GDE1: variants seen among roughly 807,000 people sequenced by gnomAD.
GDE1 encodes glycerophosphodiester phosphodiesterase 1, also known as RGS16-interacting membrane protein.
In GDE1, 24 loss-of-function variants were observed where a neutral mutation model predicts 32.2. The ratio of observed to expected loss-of-function variants is 0.75; its 90% confidence interval spans 0.54 to 1.05. The LOEUF is 1.05. GDE1 is among the 50% of genes least tolerant of loss of function. The pLI, the probability that GDE1 is intolerant of heterozygous loss-of-function variation, is 0.00. For synonymous variants in GDE1, 159 were observed against 158.6 expected (o/e 1.00, Z -0.02); for missense variants, 380 against 415.0 (o/e 0.92, Z 0.73).
intron 3 of GDE1, 27 bp from the exon 4 acceptor site, chr16:19,507,806 TAAA>T: frequency 9.9e-7 from 1 of 1,005,774 alleles, no homozygotes; most frequent in Non-Finnish European, 1.6e-6. Flanking sequence ...TTCATATATT[TAAA>T]ATTGATTAAA....
At chr16:19,519,993 CAGAG>C (rs780987726) in intron 1 of GDE1, among the ~76,000 whole-genome samples, 129 of 148,718 alleles carry the variant, frequency 8.7e-4, no homozygotes, top group Non-Finnish European at 1.6e-3. Flanking sequence ...ACCTGGGTGA[CAGAG>C]AGAGACCCTG....
Position 19,521,952 on chromosome 16 carries a change from C to T in GDE1, c.13G>A (p.Glu5Lys), listed in dbSNP as rs769732063. 1.4e-5 allele frequency: 22 copies of T among 1,550,638 alleles called. 1 individual carries two copies. The South Asian group carries it at 2.6e-4, about 18-fold the overall frequency. Residue 5 changes from glutamate (E) to lysine (K), a missense_variant, in exon 1 of 6, where the codon GAG becomes AAG. Glu to Lys is a moderately conservative substitution (Grantham distance 56, BLOSUM62 1). Transcript: ENST00000353258. MWLWEDQGGLLGPFS... is the reference protein window; with the variant it reads MWLWKDQGGLLGPFS... Reference sequence around the variant, plus strand: ...GGGCCCAGGAGGCCGCCCTGGTCCTCCCACAGCCACATGCCGGCGCCCGCA... The same window carrying T: ...GGGCCCAGGAGGCCGCCCTGGTCCTTCCACAGCCACATGCCGGCGCCCGCA...
chr16:19,521,664 C>G, intron 1 of GDE1, 40 bp downstream of exon 1: 2 of 1,597,696 alleles, frequency 1.3e-6, no homozygotes, highest in Non-Finnish European at 1.7e-6. Context: ...GAAGTCCGAG[C>G]TCTCGGGAGG....
intron 3 of GDE1, 107 bp downstream of exon 3, chr16:19,510,732 A>G (rs2151446786): frequency 2.0e-6 from 1 of 498,580 alleles, no homozygotes; most frequent in Non-Finnish European, 3.6e-6. Context: ...ATTTATAAAA[A>G]TAAGTTTTAA....
Position 19,521,691 on chromosome 16 carries a change from G to C in GDE1, c.261+13C>G, listed in dbSNP as rs778466801. 4 of 1,609,072 alleles carry C rather than the reference G, an allele frequency of 2.5e-6. No individual in the cohort carries two copies. In the Admixed American group the frequency reaches 6.7e-5, roughly 27 times the overall value. ...CTCGGGAGGACCGAGGGGCGCGAAC[G>C]TGGGGGTCTCACCTGCCGAATGGCC... On this transcript the variant is annotated intron_variant, in intron 1 of 5. Transcript: ENST00000353258.
At position 19,503,419 on chromosome 16, in the gene GDE1, T is replaced by C. The variant is rs765383538; in HGVS notation, c.*51A>G. ...AGCACAAAGGGTATTTTGATATCCCTGTATGAGGCCCCTGGCAGTTTCTGA... is the reference window on the plus strand; with the variant it reads ...AGCACAAAGGGTATTTTGATATCCCCGTATGAGGCCCCTGGCAGTTTCTGA... On this transcript the variant is annotated 3_prime_UTR_variant, in exon 6 of 6. Coordinates refer to ENST00000353258, the MANE Select transcript of GDE1 (RefSeq NM_016641.4). The C allele has an allele frequency of 6.9e-5, 108 of 1,557,594 alleles. No individual in the cohort carries two copies. The Admixed American group carries it at 1.8e-3, about 26-fold the overall frequency.
In GDE1 at chr16:19,517,082, A is replaced by G; in HGVS notation, c.369T>C (p.Thr123=). 1 of 1,614,194 alleles carries G rather than the reference A, an allele frequency of 6.2e-7. No individual in the cohort carries two copies. Among genetic ancestry groups the G allele is most frequent in the Non-Finnish European group, 8.5e-7 (1 of 1,179,986 alleles). The change falls in exon 2 of 6, where the codon ACT becomes ACC. Residue 123 remains threonine, a synonymous_variant. Transcript: ENST00000353258. ...CAAATGTCAAATCACACAATCGCCCAGTCCCATCAGTCGTCCTATCTACTG... is the reference window on the plus strand; with the variant it reads ...CAAATGTCAAATCACACAATCGCCCGGTCCCATCAGTCGTCCTATCTACTG... The part of the protein sequence containing the change: ...DNTVDRTTDG[T]GRLCDLTFEQ...
chr16:19,510,456 C>T (rs1969303267), intron 3 of GDE1, among the ~76,000 whole-genome samples: 1 of 151,856 alleles, frequency 6.6e-6, no homozygotes, highest in African/African-American at 2.4e-5. Flanking sequence ...AACTTTTAAG[C>T]TAGATAAAAT....
intron 5 of GDE1, chr16:19,504,674 C>T (rs181604247): frequency 1.2e-4 from 61 of 507,486 alleles, no homozygotes; most frequent in South Asian, 2.5e-4. Flanking sequence ...ACTAAAAAAC[C>T]GAAAATATGT....
intron 5 of GDE1, chr16:19,504,297 C>T (rs1015811919): frequency 2.6e-5 from 4 of 153,298 alleles, no homozygotes; most frequent in African/African-American, 9.6e-5. Flanking sequence ...TCTTTACCCA[C>T]TGCATCTTCA....
intron 1 of GDE1, among the ~76,000 whole-genome samples, chr16:19,519,872 A>T (rs1398203591): frequency 6.6e-6 from 1 of 152,076 alleles, no homozygotes; most frequent in African/African-American, 2.4e-5. Context: ...ATTAGCTGGG[A>T]GTGGAGGAGT....
chr16:19,521,474 C>A, intron 1 of GDE1: 1 of 571,516 alleles, frequency 1.7e-6, no homozygotes, highest in Non-Finnish European at 3.1e-6. Context: ...TGTATGTAAC[C>A]TTAGCGTCAG....
intron 2 of GDE1, among the ~76,000 whole-genome samples, chr16:19,512,148 T>C (rs1300640092): frequency 1.3e-5 from 2 of 152,234 alleles, no homozygotes; most frequent in Non-Finnish European, 2.9e-5. Context: ...ACCTCCATAC[T>C]GTTTTCCATA....
chr16:19,521,439 G>A (rs1196508847), intron 1 of GDE1: 2 of 501,464 alleles, frequency 4.0e-6, no homozygotes, highest in South Asian at 3.2e-5. Context: ...TGTAAACCAG[G>A]GACACTTTTG....
At chr16:19,509,168 G>A (rs1484130751) in intron 3 of GDE1, among the ~76,000 whole-genome samples, 1 of 152,122 alleles carries the variant, frequency 6.6e-6, no homozygotes, top group African/African-American at 2.4e-5. Context: ...CGGGTGTGAT[G>A]GCACATGCCT....
intron 3 of GDE1, among the ~76,000 whole-genome samples, chr16:19,510,049 C>T (rs562670724): frequency 2.0e-5 from 3 of 151,924 alleles, no homozygotes; most frequent in East Asian, 1.9e-4. Flanking sequence ...TGGCCCTTAC[C>T]GATTATTAAT....
At chr16:19,505,425 A>G (rs1276674357) in intron 4 of GDE1, among the ~76,000 whole-genome samples, 2 of 152,200 alleles carry the variant, frequency 1.3e-5, no homozygotes, top group Admixed American at 1.3e-4. Context: ...AATCCTGGCC[A>G]GAGATAATTA....
Position 19,503,604 on chromosome 16 carries a change from T to G in GDE1, c.862A>C (p.Lys288Gln). 1 of 1,613,772 alleles carries G rather than the reference T, an allele frequency of 6.2e-7. No homozygotes were observed. The highest frequency in any genetic ancestry group is 8.5e-7 in the Non-Finnish European group (1 of 1,179,722). The change falls in exon 6 of 6, where the codon AAG (lysine) becomes CAG (glutamine). Residue 288 changes from lysine (K) to glutamine (Q), a missense_variant. By Grantham distance (53) the Lys-to-Gln change is moderately conservative. Coordinates refer to ENST00000353258, the MANE Select transcript of GDE1 (RefSeq NM_016641.4). Reference sequence around the variant, plus strand: ...ACCTGGATTCCTTTAGCTGACCACTTCTTCAAGTAGGCCCTGGGGAAAGAG... The same window carrying G: ...ACCTGGATTCCTTTAGCTGACCACTGCTTCAAGTAGGCCCTGGGGAAAGAG... ...KDFVSPAYLKKWSAKGIQVVG... is the reference protein window; with the variant it reads ...KDFVSPAYLKQWSAKGIQVVG...
intron 3 of GDE1, among the ~76,000 whole-genome samples, chr16:19,510,172 T>G (rs2151446584): frequency 6.6e-6 from 1 of 152,340 alleles, no homozygotes; most frequent in Non-Finnish European, 1.5e-5. Context: ...CCACTGATTT[T>G]CACTGTAATA....
Sources: gnomAD v4.1 joint callset for allele counts (sites outside exome capture counted in the v4.1 genomes callset) on GRCh38, gnomAD v4.1.1 for gene constraint, MANE v1.5 for transcripts, NCBI Gene and HGNC (gene_info 2026-07-23, HGNC 2026-07-21) for gene names.